ATR: variants seen among roughly 807,000 people sequenced by gnomAD.
The protein encoded by ATR is ATR checkpoint kinase, also known as serine/threonine-protein kinase ATR.
Under a neutral mutation model 305.3 loss-of-function variants are expected in ATR, and 142 were observed. The observed-to-expected ratio is 0.47, with a 90% CI of 0.41 to 0.53. The LOEUF is 0.53. Among genes scored for constraint, ATR ranks in the 20% least tolerant of loss-of-function variants. The probability of loss-of-function intolerance (pLI) is 0.00; values close to 1 mark genes in which losing one functional copy is unlikely to be tolerated. For missense variants in ATR, 2,135 were observed against 3,133.1 expected (o/e 0.68, Z 7.60); for synonymous variants, 1,050 against 1,068.1 (o/e 0.98, Z 0.33).
intron 36 of ATR, among the ~76,000 whole-genome samples, chr3:142,484,196 G>A (rs1201670421): frequency 1.3e-5 from 2 of 152,150 alleles, no homozygotes; most frequent in African/African-American, 4.8e-5. Flanking sequence ...TCATCCCAGA[G>A]AGGATCCTGC....
chr3:142,513,347 A>G (rs2032677182), intron 26 of ATR, among the ~76,000 whole-genome samples, 154 bp downstream of exon 26: 1 of 152,208 alleles, frequency 6.6e-6, no homozygotes, highest in Non-Finnish European at 1.5e-5. Context: ...AATTAAAGGG[A>G]TACACACACC....
intron 36 of ATR, among the ~76,000 whole-genome samples, chr3:142,479,784 T>G (rs2108299129): frequency 6.6e-6 from 1 of 152,352 alleles, no homozygotes; most frequent in South Asian, 2.1e-4. Context: ...CTTTGTTCGT[T>G]TCTTTTTATT....
chr3:142,502,885 A>AT (rs2032047330), intron 30 of ATR, among the ~76,000 whole-genome samples: 1 of 152,164 alleles, frequency 6.6e-6, no homozygotes, highest in Non-Finnish European at 1.5e-5. Context: ...TACATGTATT[A>AT]TTTTTTGTTT....
chr3:142,529,317 C>A (rs2033546358), intron 21 of ATR, among the ~76,000 whole-genome samples: 1 of 151,942 alleles, frequency 6.6e-6, no homozygotes, highest in African/African-American at 2.4e-5. Flanking sequence ...AACTAGTTTG[C>A]CGGTGTAAAA....
rs749979078 is a variant in ATR at position 142,497,003 on chromosome 3, T to C, written c.5738+10A>G. On this transcript the variant is annotated intron_variant, in intron 33 of 46. Coordinates refer to ENST00000350721, the MANE Select transcript of ATR (RefSeq NM_001184.4). Reference sequence around the variant, plus strand: ...TAAGTGACATTTTTAAAAAAAGTAGTGTGAGAAACCTTTTGTTGAGGCTTA... The same window carrying C: ...TAAGTGACATTTTTAAAAAAAGTAGCGTGAGAAACCTTTTGTTGAGGCTTA... 15 of 1,610,610 alleles carry C rather than the reference T, an allele frequency of 9.3e-6. No homozygotes were observed. Among genetic ancestry groups the C allele is most frequent in the Admixed American group, 5.0e-5 (3 of 59,418 alleles).
intron 13 of ATR, among the ~76,000 whole-genome samples, chr3:142,550,664 T>C (rs1400241891): frequency 6.6e-6 from 1 of 152,204 alleles, no homozygotes; most frequent in African/African-American, 2.4e-5. Flanking sequence ...TATACACCAT[T>C]ATAAGATGAT....
intron 1 of ATR, among the ~76,000 whole-genome samples, 159 bp downstream of exon 1, chr3:142,578,487 G>C (rs1336239324): frequency 6.6e-6 from 1 of 152,240 alleles, no homozygotes; most frequent in African/African-American, 2.4e-5. Context: ...GGCACTCTGA[G>C]GGAGAAGCGC....
intron 1 of ATR, among the ~76,000 whole-genome samples, chr3:142,571,397 C>T (rs1190333381): frequency 4.0e-5 from 6 of 151,824 alleles, no homozygotes; most frequent in African/African-American, 7.3e-5. Flanking sequence ...ATCTGGGAGG[C>T]GGAGATTGCA....
At chr3:142,573,025 G>A (rs771841365) in intron 1 of ATR, among the ~76,000 whole-genome samples, 17 of 152,268 alleles carry the variant, frequency 1.1e-4, no homozygotes, top group East Asian at 1.9e-4. Context: ...CCATTAGACC[G>A]TAAGCTCTTA....
chr3:142,568,678 T>C (rs1355496660), intron 1 of ATR, among the ~76,000 whole-genome samples: 1 of 152,204 alleles, frequency 6.6e-6, no homozygotes, highest in Non-Finnish European at 1.5e-5. Flanking sequence ...CCCTGCTCTT[T>C]CCAGGGCCGG....
intron 4 of ATR, 99 bp downstream of exon 4, chr3:142,562,133 A>G: frequency 7.9e-7 from 1 of 1,263,412 alleles, no homozygotes; most frequent in Non-Finnish European, 1.1e-6. Flanking sequence ...ATTACTATTA[A>G]AGATATTCTA....
At chr3:142,486,959 CAAA>C (rs60024459) in intron 35 of ATR, among the ~76,000 whole-genome samples, 1 of 69,706 alleles carries the variant, frequency 1.4e-5, no homozygotes, top group Non-Finnish European at 2.5e-5. Flanking sequence ...ACTAAAAATA[CAAA>C]AAAAAAAAAA....
chr3:142,545,157 CAG>C (rs140193632), intron 16 of ATR, among the ~76,000 whole-genome samples: 2,726 of 152,260 alleles, frequency 0.018, 29 homozygotes, highest in South Asian at 0.041. Context: ...ACAAGATAAG[CAG>C]AGTCATTCTC....
At chr3:142,521,194 GC>G in intron 23 of ATR, among the ~76,000 whole-genome samples, 1 of 152,284 alleles carries the variant, frequency 6.6e-6, no homozygotes, top group Non-Finnish European at 1.5e-5. Flanking sequence ...CAGCAACAAA[GC>G]CTGAATGACA....
At chr3:142,456,092 G>A (rs2070898945) in intron 45 of ATR, among the ~76,000 whole-genome samples, 3 of 152,152 alleles carry the variant, frequency 2.0e-5, no homozygotes. Flanking sequence ...GAGGAAGGTG[G>A]ATGGCTTGAG....
intron 1 of ATR, among the ~76,000 whole-genome samples, chr3:142,569,291 C>A (rs1276131462): frequency 6.6e-6 from 1 of 152,158 alleles, no homozygotes; most frequent in Non-Finnish European, 1.5e-5. Flanking sequence ...CACCAACACA[C>A]GTTATTTTCT....
At chr3:142,553,445 C>CAT in intron 12 of ATR, 47 bp from the exon 13 acceptor site, 1 of 1,538,758 alleles carries the variant, frequency 6.5e-7, no homozygotes, top group Middle Eastern at 1.7e-4. Context: ...CACACACACA[C>CAT]ACACACACAC....
intron 36 of ATR, among the ~76,000 whole-genome samples, chr3:142,482,991 T>C (rs1056815094): frequency 2.3e-5 from 3 of 127,886 alleles, no homozygotes; most frequent in African/African-American, 1.4e-4. Flanking sequence ...CTTTCTTTCT[T>C]TTTTTTTTTT....
Position 142,563,040 on chromosome 3 carries a change from T to C in ATR, c.362A>G (p.Lys121Arg). ...TGAACAGATGACTTCACAGATTTTCTTGTGTAACAAATGACAGGAGGGAGT... is the reference window on the plus strand; with the variant it reads ...TGAACAGATGACTTCACAGATTTTCCTGTGTAACAAATGACAGGAGGGAGT... Reference protein sequence around the residue: ...AATPSCHLLHKKICEVICSLL... With the variant: ...AATPSCHLLHRKICEVICSLL... Residue 121 changes from lysine (K) to arginine (R), a missense_variant, in exon 4 of 47, where the codon AAG becomes AGG. By Grantham distance (26) the Lys-to-Arg change is conservative. This residue lies in a region of ATR where 744 missense variants were observed against 873.2 expected (regional missense o/e 0.85). Coordinates refer to ENST00000350721, the MANE Select transcript of ATR (RefSeq NM_001184.4). 2 of 1,599,728 alleles carry C rather than the reference T, an allele frequency of 1.3e-6. No individual in the cohort carries two copies. Among genetic ancestry groups the C allele is most frequent in the Non-Finnish European group, 1.7e-6 (2 of 1,175,734 alleles).
Sources: allele counts gnomAD v4.1 joint callset (sites outside exome capture counted in the v4.1 genomes callset), GRCh38; gene constraint gnomAD v4.1.1; regional missense constraint gnomAD v4.1.1; transcripts MANE v1.5; gene names NCBI Gene and HGNC (gene_info 2026-07-23, HGNC 2026-07-21).